The following CDC27 variants were observed in gnomAD, a reference collection of about 807,000 sequenced individuals.
CDC27 encodes cell division cycle protein 27 homolog.
In CDC27, 27 loss-of-function variants were observed where a neutral mutation model predicts 109.7. That is an observed-to-expected ratio of 0.25 (90% CI 0.18 to 0.34). The LOEUF (loss-of-function observed/expected upper bound fraction) is 0.34, where lower values mean the gene tolerates loss of function less well. CDC27 is among the 10% of genes least tolerant of loss of function. The pLI, the probability that CDC27 is intolerant of heterozygous loss-of-function variation, is 1.00. For missense variants in CDC27, 579 were observed against 960.2 expected, an observed-to-expected ratio of 0.60 and a Z score of 5.25; for synonymous variants, 266 against 333.9, an observed-to-expected ratio of 0.80 and a Z score of 2.22.
At chr17:47,176,504 A>T (rs965878709) in intron 2 of CDC27, among the ~76,000 whole-genome samples, 11 of 152,224 alleles carry the variant, frequency 7.2e-5, no homozygotes, top group African/African-American at 1.2e-4. Context: ...ACCACAAATA[A>T]AAGAGGGCTG....
At chr17:47,189,036 G>A (rs1372435811) in intron 1 of CDC27, 110 bp downstream of exon 1, 12 of 1,511,654 alleles carry the variant, frequency 7.9e-6, no homozygotes, top group African/African-American at 1.4e-5. Context: ...CAGCAGGGGA[G>A]GCGGGAGAAG....
intron 2 of CDC27, among the ~76,000 whole-genome samples, chr17:47,175,391 C>CT (rs1429382709): frequency 6.6e-6 from 1 of 152,194 alleles, no homozygotes; most frequent in Non-Finnish European, 1.5e-5. Flanking sequence ...CCTTGATAAA[C>CT]TATACAAATA....
intron 2 of CDC27, among the ~76,000 whole-genome samples, chr17:47,175,999 T>C: frequency 6.6e-6 from 1 of 152,180 alleles, no homozygotes. Context: ...TCATTTTTTT[T>C]TCATCCGGTA....
intron 2 of CDC27, among the ~76,000 whole-genome samples, chr17:47,173,285 C>T (rs1407822089): frequency 6.6e-6 from 1 of 150,446 alleles, no homozygotes; most frequent in Non-Finnish European, 1.5e-5. Context: ...TATGAAACCA[C>T]AGTGTAAAAA....
chr17:47,126,749 T>G (rs1031919512), intron 16 of CDC27, among the ~76,000 whole-genome samples: 2 of 151,690 alleles, frequency 1.3e-5, no homozygotes, highest in Non-Finnish European at 2.9e-5. Context: ...CTTCAAAGAG[T>G]AGTTAAAAGT....
At chr17:47,133,056 TAC>T (rs1431411059) in intron 14 of CDC27, among the ~76,000 whole-genome samples, 47 of 28,522 alleles carry the variant, frequency 1.6e-3, no homozygotes, top group Middle Eastern at 0.036. Context: ...CACACACACA[TAC>T]ATATACACAC....
chr17:47,127,911 G>GC (rs1465880820), intron 16 of CDC27, among the ~76,000 whole-genome samples: 1 of 151,818 alleles, frequency 6.6e-6, no homozygotes, highest in Non-Finnish European at 1.5e-5. Flanking sequence ...TTGCCATGTT[G>GC]CCCAGGCTGG....
chr17:47,175,090 GAAGGAAGT>G (rs200233075), intron 2 of CDC27, among the ~76,000 whole-genome samples: 16,134 of 105,388 alleles, frequency 0.15, 1,137 homozygotes, highest in East Asian at 0.33. Context: ...AGGAAGGAAG[GAAGGAAGT>G]AAGTTGTAGC....
intron 4 of CDC27, chr17:47,159,694 A>G: frequency 2.4e-6 from 1 of 420,840 alleles, no homozygotes; most frequent in Admixed American, 3.5e-5. Flanking sequence ...CGATGGCAAC[A>G]AACGCCTCGA....
At chr17:47,176,931 T>C (rs1245579480) in intron 2 of CDC27, among the ~76,000 whole-genome samples, 16 of 152,204 alleles carry the variant, frequency 1.1e-4, no homozygotes, top group Non-Finnish European at 1.8e-4. Flanking sequence ...TTTTTATATG[T>C]TGCCATTTGT....
chr17:47,184,551 C>T (rs1191546722), intron 1 of CDC27, among the ~76,000 whole-genome samples: 2 of 151,570 alleles, frequency 1.3e-5, no homozygotes, highest in Non-Finnish European at 2.9e-5. Flanking sequence ...GAGGCAAGGG[C>T]GGGGGGAAAA....
chr17:47,139,003 GT>G, intron 12 of CDC27, 112 bp from the exon 13 acceptor site: 2 of 672,462 alleles, frequency 3.0e-6, no homozygotes, highest in Non-Finnish European at 2.4e-6. Context: ...TTGTATTATG[GT>G]TTTTATGTGA....
intron 16 of CDC27, among the ~76,000 whole-genome samples, chr17:47,125,891 T>G (rs1421912187): frequency 6.6e-6 from 1 of 152,216 alleles, no homozygotes; most frequent in Non-Finnish European, 1.5e-5. Flanking sequence ...CCTCCTTCAC[T>G]GCTACAACAC....
At chr17:47,153,269 G>A (rs1208071583) in intron 8 of CDC27, among the ~76,000 whole-genome samples, 1 of 152,212 alleles carries the variant, frequency 6.6e-6, no homozygotes, top group Non-Finnish European at 1.5e-5. Flanking sequence ...GGATGAGAGA[G>A]CAATCTTATC....
At chr17:47,164,904 T>C (rs569266666) in intron 4 of CDC27, among the ~76,000 whole-genome samples, 1 of 152,236 alleles carries the variant, frequency 6.6e-6, no homozygotes, top group South Asian at 2.1e-4. Flanking sequence ...ATAGAGAATA[T>C]TATCACATTT....
intron 12 of CDC27, among the ~76,000 whole-genome samples, chr17:47,139,368 G>A (rs1301979304): frequency 5.4e-5 from 8 of 149,446 alleles, no homozygotes; most frequent in South Asian, 2.1e-4. Context: ...CCGAGTTCAC[G>A]CCCTTCTCCT....
chr17:47,138,894 G>A lies in CDC27; in HGVS notation c.1552-3C>T. 1 of 1,549,038 alleles carries A rather than the reference G, an allele frequency of 6.5e-7. No individual in the cohort carries two copies. ...ACCTCTGAGAATATTCTTTCAGCCT[G>A]AAATAAAAAAAACTAGTAAGAGAAA... On this transcript the variant is annotated splice_region_variant and splice_polypyrimidine_tract_variant and intron_variant, in intron 12 of 18. Transcript: ENST00000066544.
intron 9 of CDC27, among the ~76,000 whole-genome samples, chr17:47,148,821 T>C (rs2063058809): frequency 6.6e-6 from 1 of 152,164 alleles, no homozygotes; most frequent in African/African-American, 2.4e-5. Flanking sequence ...GGCTCATGCC[T>C]GTAATCTCAG....
chr17:47,170,200 G>A (rs545908863), intron 3 of CDC27, 158 bp from the exon 4 acceptor site: 23 of 490,266 alleles, frequency 4.7e-5, no homozygotes, highest in African/African-American at 4.1e-4. Context: ...CCCTCTCTCT[G>A]TCTTCCTTTC....
Sources: gnomAD v4.1 joint callset for allele counts (sites outside exome capture counted in the v4.1 genomes callset) on GRCh38, gnomAD v4.1.1 for gene constraint, MANE v1.5 for transcripts, NCBI Gene and HGNC (gene_info 2026-07-23, HGNC 2026-07-21) for gene names.